ERC1: variants seen among roughly 807,000 people sequenced by gnomAD.
ERC1 encodes the protein ELKS/RAB6-interacting/CAST family member 1, also known as RAB6 interacting protein 2.
Under a neutral mutation model 132.0 loss-of-function variants are expected in ERC1, and 56 were observed. That is an observed-to-expected ratio of 0.42 (90% CI 0.34 to 0.53). The LOEUF (loss-of-function observed/expected upper bound fraction) is 0.53. ERC1 is among the 20% of genes least tolerant of loss of function. The probability of loss-of-function intolerance (pLI) is 0.03; values close to 1 mark genes in which losing one functional copy is unlikely to be tolerated. For missense variants in ERC1, 1,202 were observed against 1,349.9 expected (o/e 0.89, Z 1.72); for synonymous variants, 478 against 476.1 (o/e 1.00, Z -0.05).
At chr12:1,004,755 G>A in intron 1 of ERC1, among the ~76,000 whole-genome samples, 1 of 150,560 alleles carries the variant, frequency 6.6e-6, no homozygotes. Context: ...TTACTTACTT[G>A]AAAAAAAATT....
At chr12:1,221,506 T>G (rs1026197080) in intron 12 of ERC1, among the ~76,000 whole-genome samples, 2 of 152,220 alleles carry the variant, frequency 1.3e-5, no homozygotes, top group Non-Finnish European at 2.9e-5. Context: ...TTAAAAGTGT[T>G]TATGTAAAAC....
chr12:1,395,663 G>GTTA (rs58791092), intron 16 of ERC1, among the ~76,000 whole-genome samples: 44,535 of 151,858 alleles, frequency 0.29, 6,733 homozygotes, highest in Middle Eastern at 0.35. Flanking sequence ...ACCCAGCTGG[G>GTTA]TTATGTGTCT....
rs753259837 is a variant in ERC1 at position 1,490,152 on chromosome 12, C to T, written c.3273C>T (p.Asn1091=). 21 of 1,614,016 alleles carry T rather than the reference C, an allele frequency of 1.3e-5. No homozygotes were observed. Among genetic ancestry groups the T allele is most frequent in the South Asian group, 5.5e-5 (5 of 91,082 alleles). Residue 1091 remains asparagine, a synonymous_variant, in exon 19 of 19, where the codon AAC becomes AAT. Transcript: ENST00000360905. The part of the protein sequence containing the change: ...RDNAELQEFA[N]AILQQIADHC... ...ATGCAGAACTGCAGGAGTTTGCCAA[C>T]GCCATTCTTCAGCAGATAGCAGACC...
intron 13 of ERC1, among the ~76,000 whole-genome samples, chr12:1,241,914 A>T (rs985603646): frequency 1.6e-5 from 2 of 124,444 alleles, no homozygotes; most frequent in Non-Finnish European, 3.1e-5. Context: ...GCTGGAGTGC[A>T]GTGGTGTGAT....
intron 13 of ERC1, among the ~76,000 whole-genome samples, chr12:1,261,595 C>A (rs1293369403): frequency 6.6e-6 from 1 of 152,196 alleles, no homozygotes; most frequent in East Asian, 1.9e-4. Flanking sequence ...CTTTAAAACC[C>A]TCCACTGTAC....
intron 15 of ERC1, among the ~76,000 whole-genome samples, chr12:1,367,950 CCT>C (rs1491127592): frequency 8.0e-6 from 1 of 124,308 alleles, no homozygotes; most frequent in Admixed American, 7.6e-5. Context: ...TCCACATTTT[CCT>C]TTTTTTTTTT....
At chr12:1,412,084 T>C (rs931712921) in intron 17 of ERC1, among the ~76,000 whole-genome samples, 4 of 152,256 alleles carry the variant, frequency 2.6e-5, no homozygotes, top group African/African-American at 7.2e-5. Context: ...TTCTATGATA[T>C]GGTGTTTCCA....
At chr12:1,174,845 A>G (rs1167724088) in intron 8 of ERC1, among the ~76,000 whole-genome samples, 1 of 152,184 alleles carries the variant, frequency 6.6e-6, no homozygotes, top group Non-Finnish European at 1.5e-5. Flanking sequence ...TATGTTAGCA[A>G]CTGGAATGAC....
chr12:1,350,414 A>G (rs1472704461), intron 15 of ERC1, among the ~76,000 whole-genome samples: 7 of 152,230 alleles, frequency 4.6e-5, no homozygotes, highest in Admixed American at 2.0e-4. Flanking sequence ...TAAAGTACAC[A>G]GTCCTAGGGG....
At chr12:995,768 G>C (rs1053302442) in intron 1 of ERC1, among the ~76,000 whole-genome samples, 7 of 152,154 alleles carry the variant, frequency 4.6e-5, no homozygotes, top group African/African-American at 1.7e-4. Flanking sequence ...ATATAAACCT[G>C]ACAAAAGTTT....
intron 15 of ERC1, among the ~76,000 whole-genome samples, chr12:1,359,525 G>A (rs931591187): frequency 2.6e-5 from 4 of 152,120 alleles, no homozygotes; most frequent in East Asian, 1.9e-4. Flanking sequence ...CGGTGGAAGG[G>A]CAAAGAGGGT....
intron 1 of ERC1, among the ~76,000 whole-genome samples, chr12:1,007,766 A>C (rs1419664208): frequency 6.6e-6 from 1 of 150,744 alleles, no homozygotes; most frequent in African/African-American, 2.5e-5. Context: ...CAGTTGCACT[A>C]GCCACACAAA....
In ERC1 at chr12:1,491,070, C is replaced by G. The variant is rs1167009144; in HGVS notation, c.*840C>G. On this transcript the variant is annotated 3_prime_UTR_variant, in exon 19 of 19. Transcript: ENST00000360905. Reference sequence around the variant, plus strand: ...CCAGCCAGGGCAACATAGCGTGACCCTGTCTCTACAAAAAATTAAAAAGAG... The same window carrying G: ...CCAGCCAGGGCAACATAGCGTGACCGTGTCTCTACAAAAAATTAAAAAGAG... 3 of 232,768 alleles carry G rather than the reference C, an allele frequency of 1.3e-5. No homozygotes were observed. Among genetic ancestry groups the G allele is most frequent in the Admixed American group, 1.1e-4 (2 of 17,774 alleles). 14.4% of individuals were successfully genotyped at this position (232,768 alleles called of 1,614,324 possible).
chr12:1,007,460 T>TTCTCTCTCTCTC (rs72040785), intron 1 of ERC1, among the ~76,000 whole-genome samples: 1 of 134,962 alleles, frequency 7.4e-6, no homozygotes, highest in African/African-American at 2.8e-5. Flanking sequence ...GGGTAATTCA[T>TTCTCTCTCTCTC]TCTCTCTCTC....
rs35902573 is a variant in ERC1 at position 1,341,069 on chromosome 12, C to CTTTTTTTTTTTTTTTTTTTTTTTTTTTT, written c.2781-30749_2781-30722dup. Among the ~76,000 whole-genome samples the CTTTTTTTTTTTTTTTTTTTTTTTTTTTT allele has an allele frequency of 2.2e-3, 141 of 63,150 alleles. 36 individuals are homozygous for CTTTTTTTTTTTTTTTTTTTTTTTTTTTT. The highest frequency in any genetic ancestry group is 8.1e-3 in the Middle Eastern group (1 of 124). 41.4% of individuals were successfully genotyped at this position (63,150 alleles called of 152,430 possible). A position where few individuals can be genotyped will look rare whatever the true frequency, so the allele number is the denominator to read the frequency against. On this transcript the variant is annotated intron_variant, in intron 15 of 18. Coordinates refer to ENST00000360905, the MANE Select transcript of ERC1 (RefSeq NM_178040.4). ...AATGTCCACTTATTCTTTTCTTTTT[C>CTTTTTTTTTTTTTTTTTTTTTTTTTTTT]TTTTTTTTTTTTTTTTTTTTTTTTT...
In ERC1 at chr12:1,310,493, G is replaced by A. The variant is rs558944123; in HGVS notation, c.2780+20481G>A. On this transcript the variant is annotated intron_variant, in intron 15 of 18. Coordinates refer to ENST00000360905, the MANE Select transcript of ERC1 (RefSeq NM_178040.4). Reference sequence around the variant, plus strand: ...CAAAGTGCTGGAATTACAGGCAGGAGCCACACCGCGCCTGGCCATTTAAAC... The same window carrying A: ...CAAAGTGCTGGAATTACAGGCAGGAACCACACCGCGCCTGGCCATTTAAAC... Among the ~76,000 whole-genome samples, 11 of 152,320 alleles carry A rather than the reference G, an allele frequency of 7.2e-5. No homozygotes were observed. The South Asian group carries it at 2.3e-3, about 32-fold the overall frequency.
At chr12:1,121,758 T>C (rs1185750955) in intron 7 of ERC1, among the ~76,000 whole-genome samples, 1 of 5,546 alleles carries the variant, frequency 1.8e-4, no homozygotes, top group African/African-American at 3.1e-4. Context: ...TCTATCTCTA[T>C]CTCTATCTAT....
intron 13 of ERC1, among the ~76,000 whole-genome samples, chr12:1,259,493 C>A (rs1380987301): frequency 1.4e-5 from 2 of 147,384 alleles, no homozygotes; most frequent in Non-Finnish European, 3.0e-5. Flanking sequence ...TTTGTTTTTC[C>A]TGTCTTGGGT....
intron 15 of ERC1, among the ~76,000 whole-genome samples, chr12:1,363,842 CACCAAGCCCA>C (rs1344946251): frequency 6.6e-6 from 1 of 152,170 alleles, no homozygotes; most frequent in African/African-American, 2.4e-5. Flanking sequence ...AGGTGTGAGC[CACCAAGCCCA>C]ACCATGAGTG....
Sources: gnomAD v4.1 joint callset for allele counts (sites outside exome capture counted in the v4.1 genomes callset) on GRCh38, gnomAD v4.1.1 for gene constraint, MANE v1.5 for transcripts, NCBI Gene and HGNC (gene_info 2026-07-23, HGNC 2026-07-21) for gene names.